Variants in EFCAB8 observed in about 807,000 individuals in gnomAD.
EFCAB8 encodes the protein EF-hand calcium-binding domain-containing protein 8.
A neutral mutation model predicts 116.3 loss-of-function variants in EFCAB8; 100 were observed. The ratio of observed to expected loss-of-function variants is 0.86; its 90% CI spans 0.73 to 1.02. EFCAB8 has a LOEUF of 1.02. Among genes scored for constraint, EFCAB8 ranks in the 50% least tolerant of loss-of-function variants. The pLI, the probability that EFCAB8 is intolerant of heterozygous loss-of-function variation, is 0.00. For missense variants in EFCAB8, 1,320 were observed against 1,416.9 expected, an observed-to-expected ratio of 0.93 and a Z score of 1.10; for synonymous variants, 558 against 567.9, an observed-to-expected ratio of 0.98 and a Z score of 0.25.
intron 23 of EFCAB8, among the ~76,000 whole-genome samples, chr20:32,948,576 GAAAGAAAAGA>G (rs1988695523): frequency 7.2e-6 from 1 of 138,372 alleles, no homozygotes. Context: ...AAGAAAGAAA[GAAAGAAAAGA>G]AAGGAAAAGA....
chr20:32,876,247 C>T (rs1984965596), intron 4 of EFCAB8, among the ~76,000 whole-genome samples: 1 of 152,212 alleles, frequency 6.6e-6, no homozygotes, highest in Non-Finnish European at 1.5e-5. Flanking sequence ...GCTCATTCCC[C>T]AGGGACAAGT....
intron 1 of EFCAB8, among the ~76,000 whole-genome samples, chr20:32,860,512 T>A (rs1984057969): frequency 1.0e-5 from 1 of 97,638 alleles, no homozygotes; most frequent in South Asian, 3.2e-4. Context: ...TTTTTTTTTT[T>A]TTTTTTTTTT....
Position 32,889,387 on chromosome 20 carries a change from G to C in EFCAB8, c.654G>C (p.Ala218=). ...CLHNMNLVAV[A]STRQKIDFFD... ...ACAATATGAACCTCGTTGCAGTTGC[G>C]TCTACCAGGCAAAAGATAGGTGAGT... Residue 218 remains alanine, a synonymous_variant, in exon 7 of 27, where the codon GCG becomes GCC. Transcript: ENST00000400522. 6.4e-7 allele frequency: 1 copy of C among 1,551,872 alleles called. No homozygotes were observed.
chr20:32,943,527 G>T (rs1481173289), intron 22 of EFCAB8, 109 bp from the exon 23 acceptor site: 2 of 415,470 alleles, frequency 4.8e-6, no homozygotes, highest in Non-Finnish European at 8.8e-6. Flanking sequence ...GCTAGCCTGT[G>T]TCCCAGGGCC....
At chr20:32,956,148 A>G (rs902556638) in intron 23 of EFCAB8, among the ~76,000 whole-genome samples, 1 of 151,880 alleles carries the variant, frequency 6.6e-6, no homozygotes, top group Non-Finnish European at 1.5e-5. Flanking sequence ...TTATTCTTTT[A>G]GTGATTACCT....
In EFCAB8 at chr20:32,943,342, T is replaced by C. The variant is rs559825108; in HGVS notation, c.2791-294T>C. Among the ~76,000 whole-genome samples the C allele has an allele frequency of 3.7e-3, 565 of 152,338 alleles. 2 individuals carry two copies. Among genetic ancestry groups the C allele is most frequent in the Non-Finnish European group, 5.2e-3 (352 of 68,036 alleles). ...GTGTACAGAGGCACTTGGTAAACAA[T>C]GTAGTCATATGCAAGTCATATGCAA... is the stretch of plus-strand genomic sequence containing the variant. On this transcript the variant is annotated intron_variant, in intron 22 of 26. Transcript: ENST00000400522.
intron 13 of EFCAB8, among the ~76,000 whole-genome samples, chr20:32,907,620 TCACCTGGAG>T (rs1317757154): frequency 2.6e-5 from 4 of 152,258 alleles, no homozygotes; most frequent in Admixed American, 1.3e-4. Context: ...GCCCTCAGGG[TCACCTGGAG>T]CACCCTCTCC....
At chr20:32,890,495 A>ACCTCCAT (rs11474795) in intron 7 of EFCAB8, among the ~76,000 whole-genome samples, 2 of 28,546 alleles carry the variant, frequency 7.0e-5, no homozygotes, top group Non-Finnish European at 1.9e-4. Context: ...CCAGACTGGA[A>ACCTCCAT]GGTCAGGGAC....
At chr20:32,864,695 A>G (rs1984300148) in intron 2 of EFCAB8, among the ~76,000 whole-genome samples, 3 of 152,186 alleles carry the variant, frequency 2.0e-5, no homozygotes, top group Non-Finnish European at 4.4e-5. Context: ...GCAGGTTGTG[A>G]TAATAGTGGG....
chr20:32,896,634 C>T (rs1986174324), intron 10 of EFCAB8, 107 bp downstream of exon 10: 2 of 660,380 alleles, frequency 3.0e-6, no homozygotes, highest in Non-Finnish European at 5.5e-6. Flanking sequence ...CAGTCTTAGC[C>T]CTTGGGGTTT....
At chr20:32,948,065 T>C (rs73116377) in intron 23 of EFCAB8, among the ~76,000 whole-genome samples, 274 of 152,076 alleles carry the variant, frequency 1.8e-3, no homozygotes, top group Middle Eastern at 3.4e-3. Context: ...TTTGAAAAGA[T>C]AGTTAAATCG....
chr20:32,920,495 G>A (rs1987398753), intron 20 of EFCAB8, among the ~76,000 whole-genome samples: 1 of 152,292 alleles, frequency 6.6e-6, no homozygotes, highest in South Asian at 2.1e-4. Context: ...GTTCCATATG[G>A]CTGGGGAAGA....
At chr20:32,896,964 C>T (rs929715713) in intron 10 of EFCAB8, among the ~76,000 whole-genome samples, 2 of 152,178 alleles carry the variant, frequency 1.3e-5, no homozygotes, top group African/African-American at 4.8e-5. Flanking sequence ...CTGGCTCCTG[C>T]TTGCAAGCTC....
At chr20:32,897,092 G>A (rs911165829) in intron 10 of EFCAB8, among the ~76,000 whole-genome samples, 1 of 152,052 alleles carries the variant, frequency 6.6e-6, no homozygotes, top group Non-Finnish European at 1.5e-5. Context: ...CATGTGCTGC[G>A]CCTTCAGGCC....
At chr20:32,922,762 G>A (rs1381701328) in intron 20 of EFCAB8, among the ~76,000 whole-genome samples, 1 of 152,182 alleles carries the variant, frequency 6.6e-6, no homozygotes, top group African/African-American at 2.4e-5. Flanking sequence ...GAGAAGGTAG[G>A]TGCAAGGGCC....
At position 32,859,774 on chromosome 20, in the gene EFCAB8, C is replaced by T. The variant is rs75795113; in HGVS notation, c.-11+768C>T. On this transcript the variant is annotated intron_variant, in intron 1 of 26. Transcript: ENST00000400522. The stretch of plus-strand genomic sequence containing the variant: ...ACTTTTCAGTGTACATTTCCTGAAA[C>T]AAGGACATTCTCATAACCACAATAC... 7.6e-3 allele frequency among the ~76,000 whole-genome samples: 1,155 copies of T among 152,258 alleles called. 5 individuals carry two copies. The highest frequency in any genetic ancestry group is 0.017 in the Admixed American group (264 of 15,302).
chr20:32,897,249 A>G (rs530101436), intron 10 of EFCAB8, among the ~76,000 whole-genome samples: 2 of 152,012 alleles, frequency 1.3e-5, no homozygotes, highest in East Asian at 1.9e-4. Flanking sequence ...TGGTCCGACC[A>G]TTGATTCCTC....
intron 20 of EFCAB8, among the ~76,000 whole-genome samples, chr20:32,925,978 G>C (rs1020758830): frequency 2.6e-5 from 4 of 152,242 alleles, no homozygotes; most frequent in Non-Finnish European, 5.9e-5. Flanking sequence ...CAGCCACACG[G>C]CTCTGTCCTG....
intron 5 of EFCAB8, among the ~76,000 whole-genome samples, chr20:32,881,740 G>A (rs34084944): frequency 0.028 from 4,334 of 152,246 alleles, 96 homozygotes; most frequent in Non-Finnish European, 0.043. Flanking sequence ...CTCATTCATA[G>A]AGAATAGGGT....
Sources: gnomAD v4.1 joint callset for allele counts (sites outside exome capture counted in the v4.1 genomes callset) on GRCh38, gnomAD v4.1.1 for gene constraint, MANE v1.5 for transcripts, NCBI Gene and HGNC (gene_info 2026-07-23, HGNC 2026-07-21) for gene names.